The following KDM2B variants were observed in gnomAD, a reference collection of about 807,000 sequenced individuals.
The protein encoded by KDM2B is lysine demethylase 2B.
In KDM2B, 26 loss-of-function variants were observed where a neutral mutation model predicts 150.0. The ratio of observed to expected loss-of-function variants is 0.17; its 90% CI spans 0.13 to 0.24. The LOEUF is 0.24. Among genes scored for constraint, KDM2B ranks in the 10% least tolerant of loss-of-function variants. The probability of loss-of-function intolerance (pLI) is 1.00; values close to 1 mark genes in which losing one functional copy is unlikely to be tolerated. For synonymous variants in KDM2B, 734 were observed against 729.5 expected, an observed-to-expected ratio of 1.01 and a Z score of -0.10; for missense variants, 1,265 against 1,816.9, an observed-to-expected ratio of 0.70 and a Z score of 5.52.
At chr12:121,491,901 G>A (rs183532755) in intron 12 of KDM2B, among the ~76,000 whole-genome samples, 5 of 152,132 alleles carry the variant, frequency 3.3e-5, no homozygotes, top group African/African-American at 9.6e-5. Flanking sequence ...TGTGGCTCAC[G>A]CCTGTAATCA....
chr12:121,430,152 C>T lies in KDM2B; in HGVS notation c.*136G>A, dbSNP rs782746230. On this transcript the variant is annotated 3_prime_UTR_variant, in exon 23 of 23. Coordinates refer to ENST00000377071, the MANE Select transcript of KDM2B (RefSeq NM_032590.5). This position sits in a 1 kb window ranked among gnomAD's most constrained non-coding sequence, Gnocchi z 4.4. ...CCAAACGGGTGGTTGAACAGCTTCT[C>T]CCTTGGAAAGACTTGCAAAATGGAA... 5.0e-6 allele frequency: 8 copies of T among 1,614,082 alleles called. No individual in the cohort carries two copies. Among genetic ancestry groups the T allele is most frequent in the African/African-American group, 4.0e-5 (3 of 74,914 alleles).
At chr12:121,446,196 C>T (rs569313409) in intron 13 of KDM2B, among the ~76,000 whole-genome samples, 8 of 152,204 alleles carry the variant, frequency 5.3e-5, no homozygotes, top group Non-Finnish European at 1.2e-4. Flanking sequence ...GAGATCGAGA[C>T]CATCCCGGCT....
At chr12:121,526,162 G>A (rs1275445472) in intron 8 of KDM2B, among the ~76,000 whole-genome samples, 1 of 152,118 alleles carries the variant, frequency 6.6e-6, no homozygotes, top group Non-Finnish European at 1.5e-5. Flanking sequence ...AACCAGCCTG[G>A]CCAACATGAT....
At chr12:121,416,393 T>C in the KDM2B span, 2 of 1,532,996 alleles carry the variant, frequency 1.3e-6, no homozygotes, top group South Asian at 2.2e-5. Flanking sequence ...TTGGATGAAA[T>C]GTTACATAAC....
At chr12:121,419,675 A>C in the KDM2B span, among the ~76,000 whole-genome samples, 1 of 152,222 alleles carries the variant, frequency 6.6e-6, no homozygotes, top group Non-Finnish European at 1.5e-5. Flanking sequence ...ACATAACCCA[A>C]ACTGAAGAGA....
downstream of KDM2B, among the ~76,000 whole-genome samples, chr12:121,426,371 T>C (rs908853506): frequency 6.6e-6 from 1 of 151,998 alleles, no homozygotes; most frequent in Non-Finnish European, 1.5e-5. Flanking sequence ...ACTTGGAAAT[T>C]GGCTTGTTTG....
At chr12:121,431,032 G>C (rs191532690) in intron 22 of KDM2B, among the ~76,000 whole-genome samples, 4 of 152,264 alleles carry the variant, frequency 2.6e-5, no homozygotes, top group Non-Finnish European at 4.4e-5. Context: ...CCTAACTCCA[G>C]GACTGACCGT....
chr12:121,486,411 C>T (rs1882768793), intron 12 of KDM2B, among the ~76,000 whole-genome samples: 1 of 113,986 alleles, frequency 8.8e-6, no homozygotes, highest in Non-Finnish European at 1.7e-5. Context: ...GAACTCTTGA[C>T]CTTGTGATCC....
downstream of KDM2B, among the ~76,000 whole-genome samples, chr12:121,427,838 A>C (rs1453284555): frequency 1.3e-5 from 2 of 152,206 alleles, no homozygotes; most frequent in Admixed American, 6.5e-5. Flanking sequence ...TTGCAGCCAC[A>C]AATCTGTCTT....
At chr12:121,552,667 T>C (rs1555311988) in intron 4 of KDM2B, among the ~76,000 whole-genome samples, 2 of 128,216 alleles carry the variant, frequency 1.6e-5, no homozygotes, top group African/African-American at 6.8e-5. Flanking sequence ...GGTGAGACTC[T>C]GTCTTAATTA....
At chr12:121,478,007 T>A (rs1881584133) in intron 12 of KDM2B, among the ~76,000 whole-genome samples, 1 of 151,972 alleles carries the variant, frequency 6.6e-6, no homozygotes, top group Middle Eastern at 3.4e-3. Flanking sequence ...CCTCCCAAAG[T>A]GTTGGGATTA....
At chr12:121,574,491 T>C in intron 4 of KDM2B, 56 bp downstream of exon 4, 1 of 1,568,222 alleles carries the variant, frequency 6.4e-7, no homozygotes, top group Non-Finnish European at 8.8e-7. Flanking sequence ...GGTGACCGCC[T>C]CTTTCCCCTT....
chr12:121,417,398 G>A, the KDM2B span: 1 of 888,646 alleles, frequency 1.1e-6, no homozygotes, highest in Non-Finnish European at 1.7e-6. This position sits in a 1 kb window ranked among gnomAD's most constrained non-coding sequence, Gnocchi z 5.0. Flanking sequence ...TGCCACTGGG[G>A]ACTTCACTAA....
intron 4 of KDM2B, among the ~76,000 whole-genome samples, chr12:121,563,517 G>A (rs1555314225): frequency 6.6e-6 from 1 of 151,994 alleles, no homozygotes; most frequent in Non-Finnish European, 1.5e-5. Context: ...TGAGGCACGA[G>A]AACTGCTTGA....
rs375837457 is a variant in KDM2B, at chr12:121,522,376, G to A, written c.932-1276C>T. 8.1e-4 allele frequency among the ~76,000 whole-genome samples: 122 copies of A among 151,254 alleles called. No individual in the cohort carries two copies. The South Asian group carries it at 0.019, about 24-fold the overall frequency. On this transcript the variant is annotated intron_variant, in intron 8 of 22. Transcript: ENST00000377071. Reference sequence around the variant, plus strand: ...ATTAAAAATACAAAATTAGCCAGGCGTGTTGGTGCATGCCTGTAATCCCAG... The same window carrying A: ...ATTAAAAATACAAAATTAGCCAGGCATGTTGGTGCATGCCTGTAATCCCAG...
intron 19 of KDM2B, among the ~76,000 whole-genome samples, chr12:121,441,517 A>G (rs1332017000): frequency 6.6e-6 from 1 of 151,740 alleles, no homozygotes; most frequent in Non-Finnish European, 1.5e-5. Flanking sequence ...GCTCACCACA[A>G]CCTCCGTCTC....
chr12:121,574,952 C>G (rs1891404397), intron 3 of KDM2B, among the ~76,000 whole-genome samples: 1 of 152,230 alleles, frequency 6.6e-6, no homozygotes, highest in Non-Finnish European at 1.5e-5. Context: ...GTAGCCCTCT[C>G]TATGTCTCTT....
At chr12:121,485,629 C>T (rs1401771701) in intron 12 of KDM2B, among the ~76,000 whole-genome samples, 8 of 150,440 alleles carry the variant, frequency 5.3e-5, no homozygotes, top group East Asian at 1.9e-4. Flanking sequence ...GAGGGGAGAA[C>T]GGGGGGTGAG....
intron 8 of KDM2B, among the ~76,000 whole-genome samples, chr12:121,528,421 C>T (rs1030738933): frequency 2.6e-5 from 4 of 151,860 alleles, no homozygotes; most frequent in African/African-American, 4.8e-5. Context: ...TAGCCGGGCC[C>T]GGTAGCGTAC....
Sources: allele counts gnomAD v4.1 joint callset (sites outside exome capture counted in the v4.1 genomes callset), GRCh38; gene constraint gnomAD v4.1.1; non-coding constraint Gnocchi (gnomAD v3.1); transcripts MANE v1.5; gene names NCBI Gene and HGNC (gene_info 2026-07-23, HGNC 2026-07-21).